The following SGCD variants were observed in gnomAD, a reference collection of about 807,000 sequenced individuals.
SGCD encodes the protein delta-sarcoglycan.
In SGCD, 18 loss-of-function variants were observed where a neutral mutation model predicts 36.6. The observed-to-expected ratio is 0.49, with a 90% CI of 0.34 to 0.73. SGCD has a LOEUF of 0.73. Among genes scored for constraint, SGCD ranks in the 30% least tolerant of loss-of-function variants. The pLI is 0.01. For missense variants in SGCD, 387 were observed against 346.7 expected, an observed-to-expected ratio of 1.12 and a Z score of -0.92; for synonymous variants, 133 against 130.6, an observed-to-expected ratio of 1.02 and a Z score of -0.12.
At chr5:156,423,575 A>T (rs1773525510) in intron 3 of SGCD, among the ~76,000 whole-genome samples, 1 of 150,416 alleles carries the variant, frequency 6.6e-6, no homozygotes, top group East Asian at 1.9e-4. Flanking sequence ...CTTGTTTTGA[A>T]TGTTACAATT....
the SGCD span, among the ~76,000 whole-genome samples, chr5:155,735,057 C>T: frequency 6.6e-6 from 1 of 152,290 alleles, no homozygotes; most frequent in South Asian, 2.1e-4. Context: ...CATATAGAAA[C>T]CTCACAAAAA....
chr5:156,250,476 T>C (rs765045986), intron 3 of SGCD, among the ~76,000 whole-genome samples: 10 of 152,162 alleles, frequency 6.6e-5, no homozygotes, highest in Non-Finnish European at 8.8e-5. Flanking sequence ...AAGAAAATCC[T>C]GGACTGGGGA....
At chr5:156,393,746 C>T in intron 3 of SGCD, 1 of 456,328 alleles carries the variant, frequency 2.2e-6, no homozygotes, top group South Asian at 1.5e-5. Context: ...CAATGTTTGA[C>T]ATCTAGAGCA....
At chr5:155,967,541 C>T (rs1046946928) in intron 1 of SGCD, among the ~76,000 whole-genome samples, 1 of 152,022 alleles carries the variant, frequency 6.6e-6, no homozygotes, top group Admixed American at 6.6e-5. Context: ...TTACTCCTAT[C>T]CATTTCAAGT....
At chr5:155,735,048 A>G in the SGCD span, among the ~76,000 whole-genome samples, 1 of 152,258 alleles carries the variant, frequency 6.6e-6, no homozygotes, top group Non-Finnish European at 1.5e-5. Context: ...AGTGCCTGAC[A>G]TATAGAAACC....
chr5:156,279,877 G>C (rs77800193), intron 3 of SGCD, among the ~76,000 whole-genome samples: 2,130 of 152,116 alleles, frequency 0.014, 23 homozygotes, highest in Non-Finnish European at 0.024. Flanking sequence ...ACAACACCAA[G>C]TCATGATGGG....
chr5:155,958,318 G>A (rs927878147), intron 1 of SGCD, among the ~76,000 whole-genome samples: 1 of 152,098 alleles, frequency 6.6e-6, no homozygotes, highest in South Asian at 2.1e-4. Context: ...GCAAGACTAG[G>A]AGGTGGATAT....
chr5:156,563,290 AT>A (rs1457130311), intron 4 of SGCD, among the ~76,000 whole-genome samples: 2 of 152,098 alleles, frequency 1.3e-5, no homozygotes, highest in Non-Finnish European at 2.9e-5. Flanking sequence ...CTGACAGACC[AT>A]TATTAACACT....
chr5:156,015,805 C>T (rs1758962326), intron 1 of SGCD, among the ~76,000 whole-genome samples: 2 of 150,808 alleles, frequency 1.3e-5, no homozygotes, highest in African/African-American at 4.9e-5. Context: ...CAAACACACA[C>T]ACACACACAC....
chr5:156,564,564 G>A (rs1003418112), intron 4 of SGCD, among the ~76,000 whole-genome samples: 3 of 152,156 alleles, frequency 2.0e-5, no homozygotes, highest in Non-Finnish European at 4.4e-5. Flanking sequence ...AGTACGCTCA[G>A]TGTTCAATGT....
At chr5:156,544,180 G>T (rs2113163085) in intron 4 of SGCD, among the ~76,000 whole-genome samples, 1 of 152,268 alleles carries the variant, frequency 6.6e-6, no homozygotes, top group Middle Eastern at 3.4e-3. Flanking sequence ...CAAAAAATGA[G>T]TTGCATCATT....
chr5:156,479,157 A>T (rs1312525632), intron 3 of SGCD, among the ~76,000 whole-genome samples: 1 of 151,990 alleles, frequency 6.6e-6, no homozygotes, highest in South Asian at 2.1e-4. Flanking sequence ...CAGTGACATG[A>T]TCTCGGCTCA....
At chr5:156,672,672 C>T (rs1215344636) in intron 7 of SGCD, among the ~76,000 whole-genome samples, 1 of 152,164 alleles carries the variant, frequency 6.6e-6, no homozygotes, top group Non-Finnish European at 1.5e-5. Context: ...TCCCTTCGTC[C>T]CTTCATCCTT....
chr5:156,001,888 GC>G (rs754920830), intron 1 of SGCD, among the ~76,000 whole-genome samples: 3 of 152,188 alleles, frequency 2.0e-5, no homozygotes, highest in Non-Finnish European at 4.4e-5. Flanking sequence ...CAAGCAGCTG[GC>G]CAGGCCCTCA....
chr5:156,519,403 C>T (rs1327624793), intron 4 of SGCD, among the ~76,000 whole-genome samples: 1 of 151,610 alleles, frequency 6.6e-6, no homozygotes, highest in African/African-American at 2.4e-5. Context: ...AAGAAAAAGC[C>T]CAGGACTAGA....
At chr5:156,611,476 T>G (rs997150631) in intron 6 of SGCD, among the ~76,000 whole-genome samples, 1 of 152,252 alleles carries the variant, frequency 6.6e-6, no homozygotes, top group Admixed American at 6.5e-5. Context: ...GAAATTTGCT[T>G]GTAGTCTATT....
chr5:155,934,212 C>T (rs552452223), intron 1 of SGCD, among the ~76,000 whole-genome samples: 84 of 152,256 alleles, frequency 5.5e-4, no homozygotes, highest in African/African-American at 1.9e-3. Context: ...CAGAGCCACA[C>T]GAAGTGAGCA....
At position 156,763,569 on chromosome 5, in the gene SGCD, A is replaced by G. The variant is rs1477627465; in HGVS notation, c.*4179A>G. 6.6e-6 allele frequency: 1 copy of G among 152,186 alleles called. No individual in the cohort carries two copies. Among genetic ancestry groups the G allele is most frequent in the East Asian group, 1.9e-4 (1 of 5,200 alleles). The allele number at this position is 152,186 out of a possible 1,614,324, so 9.4% of individuals were successfully genotyped here. On this transcript the variant is annotated 3_prime_UTR_variant, in exon 9 of 9. Transcript: ENST00000337851. ...CATTCTCTGGTGTAGAAGGAATGCA[A>G]AAAACTATAACAACAACAACAAAAA...
intron 4 of SGCD, among the ~76,000 whole-genome samples, chr5:156,574,426 C>G (rs17640346): frequency 1.1e-4 from 17 of 152,140 alleles, no homozygotes; most frequent in African/African-American, 3.9e-4. Flanking sequence ...GGTACTGTTA[C>G]TATCTCCATT....
Sources: allele counts gnomAD v4.1 joint callset (sites outside exome capture counted in the v4.1 genomes callset), GRCh38; gene constraint gnomAD v4.1.1; transcripts MANE v1.5; gene names NCBI Gene and HGNC (gene_info 2026-07-23, HGNC 2026-07-21).